Variants in MAML3 observed in about 807,000 individuals in gnomAD.
MAML3 encodes mastermind-like protein 3.
Under a neutral mutation model 101.9 loss-of-function variants are expected in MAML3, and 27 were observed. The observed-to-expected ratio is 0.27, with a 90% CI of 0.20 to 0.37. The LOEUF (loss-of-function observed/expected upper bound fraction) is 0.37. Among genes scored for constraint, MAML3 ranks in the 10% least tolerant of loss-of-function variants. MAML3 has a pLI of 1.00. For synonymous variants in MAML3, 501 were observed against 555.9 expected (o/e 0.90, Z 1.39); for missense variants, 1,316 against 1,444.9 (o/e 0.91, Z 1.45).
At chr4:140,117,021 C>T (rs1239579316) in intron 1 of MAML3, among the ~76,000 whole-genome samples, 1 of 152,210 alleles carries the variant, frequency 6.6e-6, no homozygotes, top group African/African-American at 2.4e-5. Context: ...CAGACTTGGA[C>T]TGTCTTTCCT....
At chr4:140,152,606 G>A (rs1729194616) in intron 1 of MAML3, among the ~76,000 whole-genome samples, 1 of 151,608 alleles carries the variant, frequency 6.6e-6, no homozygotes, top group Non-Finnish European at 1.5e-5. Flanking sequence ...GGCTCCCTCC[G>A]CCCCTCGCAG....
At chr4:139,865,499 T>TTTTG (rs1560818430) in intron 2 of MAML3, among the ~76,000 whole-genome samples, 3 of 80,934 alleles carry the variant, frequency 3.7e-5, no homozygotes, top group African/African-American at 9.6e-5. Context: ...TTTTTTTGTT[T>TTTTG]TTTTTTTTTT....
At chr4:139,933,448 A>G (rs755444390) in intron 1 of MAML3, among the ~76,000 whole-genome samples, 17 of 152,332 alleles carry the variant, frequency 1.1e-4, no homozygotes, top group Non-Finnish European at 2.5e-4. Context: ...GGGACAGGGC[A>G]GGATGGGGAG....
intron 2 of MAML3, among the ~76,000 whole-genome samples, chr4:139,762,164 A>G (rs1272815974): frequency 6.6e-6 from 1 of 152,190 alleles, no homozygotes; most frequent in Non-Finnish European, 1.5e-5. Flanking sequence ...TGTATGTTTC[A>G]TTACCATGCA....
intron 1 of MAML3, among the ~76,000 whole-genome samples, chr4:140,135,249 T>C (rs1728864629): frequency 6.6e-6 from 1 of 152,192 alleles, no homozygotes; most frequent in Admixed American, 6.5e-5. Context: ...AGACGAATAC[T>C]CTATCTCCTT....
intron 2 of MAML3, among the ~76,000 whole-genome samples, chr4:139,883,588 G>A (rs1732263083): frequency 1.3e-5 from 2 of 152,146 alleles, no homozygotes; most frequent in Middle Eastern, 3.2e-3. Flanking sequence ...TCAGGAGGTA[G>A]TATAAGTAGC....
chr4:140,135,499 G>A (rs147118927), intron 1 of MAML3, among the ~76,000 whole-genome samples: 2 of 152,344 alleles, frequency 1.3e-5, no homozygotes, highest in African/African-American at 4.8e-5. Flanking sequence ...ATTTATATTT[G>A]TTGAACAAAT....
intron 2 of MAML3, among the ~76,000 whole-genome samples, chr4:139,783,969 C>A (rs529989201): frequency 6.6e-6 from 1 of 152,316 alleles, no homozygotes; most frequent in Non-Finnish European, 1.5e-5. Flanking sequence ...TCAGAGAGGC[C>A]CGCTATCCTC....
chr4:139,963,569 A>C (rs3106209), intron 1 of MAML3, among the ~76,000 whole-genome samples: 102,327 of 152,042 alleles, frequency 0.67, 34,781 homozygotes, highest in Admixed American at 0.8. Context: ...GGCCAATAAT[A>C]CCTTGTGTCA....
At chr4:140,131,335 A>G (rs1443618111) in intron 1 of MAML3, among the ~76,000 whole-genome samples, 1 of 152,216 alleles carries the variant, frequency 6.6e-6, no homozygotes, top group East Asian at 1.9e-4. Context: ...GACTTGCTCA[A>G]GGTCACAAAG....
At chr4:139,988,395 G>C (rs1358149649) in intron 1 of MAML3, among the ~76,000 whole-genome samples, 2 of 151,298 alleles carry the variant, frequency 1.3e-5, no homozygotes, top group Non-Finnish European at 2.9e-5. Context: ...AGGACTTTTA[G>C]GCTTAACAAT....
At chr4:140,091,183 A>G (rs750986036) in intron 1 of MAML3, among the ~76,000 whole-genome samples, 23 of 152,124 alleles carry the variant, frequency 1.5e-4, no homozygotes, top group Non-Finnish European at 3.1e-4. Context: ...GCATAGCAAA[A>G]AGCCCTACAT....
intron 1 of MAML3, among the ~76,000 whole-genome samples, chr4:140,088,091 A>T (rs1727987083): frequency 6.6e-6 from 1 of 152,174 alleles, no homozygotes; most frequent in South Asian, 2.1e-4. Context: ...TTAGCCGGGC[A>T]TAGCGGTGCA....
intron 2 of MAML3, among the ~76,000 whole-genome samples, chr4:139,791,050 T>C (rs1326608424): frequency 6.6e-6 from 1 of 152,254 alleles, no homozygotes; most frequent in African/African-American, 2.4e-5. Context: ...AAAATTAAGT[T>C]AGGCTTAAAG....
At chr4:140,133,967 T>G in intron 1 of MAML3, 3 of 363,950 alleles carry the variant, frequency 8.2e-6, no homozygotes, top group Non-Finnish European at 1.6e-5. Context: ...ATGATCATTT[T>G]TACCCTCACC....
intron 1 of MAML3, among the ~76,000 whole-genome samples, chr4:139,902,990 T>C (rs1441193140): frequency 6.6e-6 from 1 of 152,060 alleles, no homozygotes; most frequent in Non-Finnish European, 1.5e-5. Flanking sequence ...GTCCTGAAAG[T>C]CCAATGAGCA....
chr4:139,857,965 C>T lies in MAML3; in HGVS notation c.2079+31392G>A, dbSNP rs116076559. 5.4e-3 allele frequency among the ~76,000 whole-genome samples: 821 copies of T among 152,230 alleles called. 12 individuals carry two copies. Among genetic ancestry groups the T allele is most frequent in the African/African-American group, 0.018 (768 of 41,526 alleles). On this transcript the variant is annotated intron_variant, in intron 2 of 4. Transcript: ENST00000509479. Reference sequence around the variant, plus strand: ...ACATATGCCACCTAGCGTGGTCTGACGAGTGCAGTCACAGTGGACCACCCC... The same window carrying T: ...ACATATGCCACCTAGCGTGGTCTGATGAGTGCAGTCACAGTGGACCACCCC...
chr4:139,903,158 A>C (rs1732759074), intron 1 of MAML3, among the ~76,000 whole-genome samples: 1 of 152,186 alleles, frequency 6.6e-6, no homozygotes, highest in South Asian at 2.1e-4. Context: ...TTCTTTAAAA[A>C]ATTTTTATTT....
intron 1 of MAML3, among the ~76,000 whole-genome samples, chr4:140,008,654 ATAGT>A (rs1405934908): frequency 2.0e-5 from 3 of 152,238 alleles, no homozygotes; most frequent in Admixed American, 2.0e-4. Context: ...CTGAATATAC[ATAGT>A]TCATCTTCCA....
Sources: gnomAD v4.1 joint callset for allele counts (sites outside exome capture counted in the v4.1 genomes callset) on GRCh38, gnomAD v4.1.1 for gene constraint, MANE v1.5 for transcripts, NCBI Gene and HGNC (gene_info 2026-07-23, HGNC 2026-07-21) for gene names.